Variants in ACOT11 observed in about 807,000 individuals in gnomAD.
ACOT11 encodes the protein acyl-CoA thioesterase 11, also known as acyl-coenzyme A thioesterase 11.
A neutral mutation model predicts 77.5 loss-of-function variants in ACOT11; 69 were observed. The ratio of observed to expected loss-of-function variants is 0.89; its 90% CI spans 0.73 to 1.09. The LOEUF is 1.09. ACOT11 is among the 50% of genes least tolerant of loss of function. ACOT11 has a pLI of 0.00. For synonymous variants in ACOT11, 279 were observed against 313.0 expected, an observed-to-expected ratio of 0.89 and a Z score of 1.15; for missense variants, 766 against 813.7, an observed-to-expected ratio of 0.94 and a Z score of 0.71.
intron 15 of ACOT11, chr1:54,616,007 G>A: frequency 6.2e-7 from 1 of 1,612,846 alleles, no homozygotes; most frequent in Non-Finnish European, 8.5e-7. Flanking sequence ...AGGGTTTCCA[G>A]AGAGGCCCTT....
At chr1:54,617,654 C>A (rs1200591574) in intron 15 of ACOT11, among the ~76,000 whole-genome samples, 1 of 150,706 alleles carries the variant, frequency 6.6e-6, no homozygotes, top group African/African-American at 2.4e-5. Flanking sequence ...ACATAGATCC[C>A]CCAGGAACTG....
chr1:54,597,595 G>A, intron 7 of ACOT11, 180 bp downstream of exon 7: 1 of 811,140 alleles, frequency 1.2e-6, no homozygotes. Flanking sequence ...TACTAAAAAA[G>A]CTAGCATCTT....
chr1:54,627,554 A>G lies in ACOT11; in HGVS notation c.1630-3180A>G, dbSNP rs1644278602. The stretch of plus-strand genomic sequence containing the variant: ...TCCACCCCGTGGCATACTGTGGGAG[A>G]GAAGAAAGCAGGGGCTGTCAGGGGG... On this transcript the variant is annotated intron_variant, in intron 15 of 16. Coordinates refer to the ACOT11 transcript ENST00000371316. 1.5e-5 allele frequency among the ~76,000 whole-genome samples: 2 copies of G among 135,568 alleles called. 1 individual carries two copies. The highest frequency in any genetic ancestry group is 3.3e-5 in the Non-Finnish European group (2 of 59,712). The allele number at this position is 135,568 out of a possible 152,430, so 88.9% of individuals were successfully genotyped here. A position where few individuals can be genotyped will look rare whatever the true frequency, so the allele number is the denominator to read the frequency against.
At chr1:54,561,101 ATT>A in intron 1 of ACOT11, among the ~76,000 whole-genome samples, 1 of 116,318 alleles carries the variant, frequency 8.6e-6, no homozygotes, top group South Asian at 2.5e-4. Context: ...ATTTTTTTTT[ATT>A]TTTTAAATTT....
intron 7 of ACOT11, chr1:54,597,778 C>G (rs753845362): frequency 4.5e-6 from 1 of 220,684 alleles, no homozygotes; most frequent in South Asian, 7.9e-5. Context: ...ACTTTCCCAG[C>G]CCCTGCCTTT....
At position 54,609,839 on chromosome 1, in the gene ACOT11, TC is replaced by T; in HGVS notation, c.*729del. ...TGTGGCCAGCTGCTGCAGGCAGGAC[TC>T]CAGCGTCAGGATGTTGCCACTTGGA... On this transcript the variant is annotated 3_prime_UTR_variant, in exon 16 of 16. Coordinates refer to ENST00000343744, the MANE Select transcript of ACOT11 (RefSeq NM_147161.4). 1 of 1,614,132 alleles carries T rather than the reference TC, an allele frequency of 6.2e-7. No individual in the cohort carries two copies. The highest frequency in any genetic ancestry group is 8.5e-7 in the Non-Finnish European group (1 of 1,180,026).
At chr1:54,618,040 T>G (rs1644193325) in intron 15 of ACOT11, among the ~76,000 whole-genome samples, 1 of 152,150 alleles carries the variant, frequency 6.6e-6, no homozygotes, top group Non-Finnish European at 1.5e-5. Context: ...GATTCTGCAT[T>G]TTTAACACAC....
At chr1:54,601,017 G>C (rs1293277434) in intron 8 of ACOT11, among the ~76,000 whole-genome samples, 1 of 152,122 alleles carries the variant, frequency 6.6e-6, no homozygotes, top group Non-Finnish European at 1.5e-5. Flanking sequence ...AGCGGTCCCA[G>C]GTGTCCTGTC....
chr1:54,573,294 T>C, intron 1 of ACOT11: 1 of 948,792 alleles, frequency 1.1e-6, no homozygotes, highest in Non-Finnish European at 1.3e-6. Flanking sequence ...GTCTCAGCTC[T>C]GCCCTTTCCT....
intron 1 of ACOT11, among the ~76,000 whole-genome samples, chr1:54,578,236 G>A (rs983551553): frequency 1.3e-5 from 2 of 152,170 alleles, no homozygotes; most frequent in African/African-American, 4.8e-5. Flanking sequence ...TCAGCCTGGT[G>A]ACCCTAAACA....
At chr1:54,571,268 GTTTC>G (rs775430140) in intron 1 of ACOT11, among the ~76,000 whole-genome samples, 2 of 151,976 alleles carry the variant, frequency 1.3e-5, no homozygotes, top group Non-Finnish European at 2.9e-5. Context: ...ATGCCTTCCT[GTTTC>G]TTTCTTCTCT....
chr1:54,605,070 A>C lies in ACOT11; in HGVS notation c.1237-6A>C, dbSNP rs778602799. 6.2e-7 allele frequency: 1 copy of C among 1,612,064 alleles called. No individual in the cohort carries two copies. The highest frequency in any genetic ancestry group is 2.2e-5 in the East Asian group (1 of 44,822). ...AGCAAATGAGGCTGCCCTCTATCCC[A>C]TGCAGGTCCGCCTGTACACTCTGGA... On this transcript the variant is annotated splice_region_variant and splice_polypyrimidine_tract_variant and intron_variant, in intron 12 of 15. Transcript: ENST00000343744.
downstream of ACOT11, among the ~76,000 whole-genome samples, chr1:54,611,240 C>T (rs566616055): frequency 7.2e-4 from 109 of 152,150 alleles, 1 homozygote; most frequent in African/African-American, 2.6e-3. Context: ...TCGAGACCAG[C>T]CTGGCCCAAC....
In ACOT11 at chr1:54,584,786, C is replaced by T. The variant is rs1156782076; in HGVS notation, c.165C>T (p.Pro55=). 3 of 1,614,122 alleles carry T rather than the reference C, an allele frequency of 1.9e-6. No homozygotes were observed. The highest frequency in any genetic ancestry group is 2.2e-5 in the South Asian group (2 of 91,088). Residue 55 remains proline (P), a synonymous_variant, in exon 2 of 16, where the codon CCC becomes CCT. Coordinates refer to ENST00000343744, the MANE Select transcript of ACOT11 (RefSeq NM_147161.4). The surrounding 1 kb of genome is among the most constrained non-coding windows in gnomAD (Gnocchi z 6.3). ...TGCAGATGAGCCAGCTGGTGCTGCC[C>T]TGCCACACCAACCAACGTGGTGAGC... ...TEVQMSQLVL[P]CHTNQRGELS... is the part of the protein sequence containing the mutation.
intron 1 of ACOT11, among the ~76,000 whole-genome samples, chr1:54,562,359 C>G (rs1653545658): frequency 1.2e-5 from 1 of 82,124 alleles, no homozygotes; most frequent in Admixed American, 9.2e-5. Context: ...GCTGGCCGGG[C>G]TGAGGGGCTC....
At chr1:54,551,857 C>T (rs746968462) in intron 1 of ACOT11, among the ~76,000 whole-genome samples, 2 of 152,084 alleles carry the variant, frequency 1.3e-5, no homozygotes, top group Non-Finnish European at 2.9e-5. Context: ...TCAAGGAATT[C>T]TCCTGCCTCA....
chr1:54,557,195 C>T (rs1414527272), intron 1 of ACOT11, among the ~76,000 whole-genome samples: 1 of 151,868 alleles, frequency 6.6e-6, no homozygotes, highest in African/African-American at 2.4e-5. Flanking sequence ...AGTTCGAGAC[C>T]AGCCTGGTCA....
chr1:54,611,863 G>GC (rs924465182), downstream of ACOT11: 2 of 1,165,370 alleles, frequency 1.7e-6, no homozygotes, highest in African/African-American at 3.1e-5. Flanking sequence ...TCCTCCAGTC[G>GC]CCCACCTGCC....
intron 1 of ACOT11, chr1:54,573,072 A>T (rs1653979416): frequency 2.0e-6 from 2 of 985,352 alleles, no homozygotes; most frequent in Admixed American, 1.2e-4. Context: ...CCTCCTGCAG[A>T]GGACATAAGG....
Sources: allele counts gnomAD v4.1 joint callset (sites outside exome capture counted in the v4.1 genomes callset), GRCh38; gene constraint gnomAD v4.1.1; non-coding constraint Gnocchi (gnomAD v3.1); transcripts MANE v1.5; gene names NCBI Gene and HGNC (gene_info 2026-07-23, HGNC 2026-07-21).